The following C12orf42 variants were observed in gnomAD, a reference collection of about 807,000 sequenced individuals.
C12orf42 encodes uncharacterized protein C12orf42.
In C12orf42, 25 loss-of-function variants were observed where a neutral mutation model predicts 21.6. The ratio of observed to expected loss-of-function variants is 1.16; its 90% CI spans 0.84 to 1.62. The LOEUF (loss-of-function observed/expected upper bound fraction) is 1.62, where lower values mean the gene tolerates loss of function less well. C12orf42 is among the 40% of genes most tolerant of loss of function. The pLI is 0.00. For missense variants in C12orf42, 483 were observed against 459.3 expected, an observed-to-expected ratio of 1.05 and a Z score of -0.47; for synonymous variants, 174 against 175.0, an observed-to-expected ratio of 0.99 and a Z score of 0.05.
At chr12:103,082,603 G>A in the C12orf42 span, among the ~76,000 whole-genome samples, 1 of 152,214 alleles carries the variant, frequency 6.6e-6, no homozygotes, top group Non-Finnish European at 1.5e-5. Context: ...TAAATGACAA[G>A]TTAATGGGTG....
chr12:103,168,530 A>T, the C12orf42 span, among the ~76,000 whole-genome samples: 1 of 152,176 alleles, frequency 6.6e-6, no homozygotes, highest in Non-Finnish European at 1.5e-5. Context: ...AAAATTCAAC[A>T]TGGCAAGGCA....
intron 4 of C12orf42, among the ~76,000 whole-genome samples, chr12:103,284,623 A>G (rs555646760): frequency 1.2e-4 from 18 of 152,256 alleles, no homozygotes; most frequent in Non-Finnish European, 2.2e-4. Context: ...TGTTTATTAC[A>G]GTATCGCTAA....
the C12orf42 span, among the ~76,000 whole-genome samples, chr12:103,179,128 C>T: frequency 1.3e-5 from 2 of 152,068 alleles, no homozygotes; most frequent in Non-Finnish European, 2.9e-5. Flanking sequence ...TAATTCATAC[C>T]CCAAACTTGA....
chr12:103,069,466 G>C, the C12orf42 span, among the ~76,000 whole-genome samples: 2 of 152,014 alleles, frequency 1.3e-5, no homozygotes, highest in African/African-American at 4.8e-5. Context: ...ACTTAGATTT[G>C]CCTACAATTA....
the C12orf42 span, among the ~76,000 whole-genome samples, chr12:103,077,583 G>A: frequency 1.3e-5 from 2 of 152,314 alleles, no homozygotes; most frequent in Non-Finnish European, 2.9e-5. Flanking sequence ...ACACAGAGCA[G>A]GCAGTGATAA....
At chr12:103,551,557 C>T in the C12orf42 span, among the ~76,000 whole-genome samples, 32 of 152,274 alleles carry the variant, frequency 2.1e-4, no homozygotes, top group East Asian at 2.1e-3. Flanking sequence ...TGACTCATGC[C>T]TGTAATCCCA....
intron 2 of C12orf42, among the ~76,000 whole-genome samples, chr12:103,473,404 CAGAG>C (rs1330343120): frequency 6.6e-6 from 1 of 152,130 alleles, no homozygotes; most frequent in Non-Finnish European, 1.5e-5. Context: ...AACAGATAGT[CAGAG>C]AGACCCCAGG....
intron 10 of C12orf42, among the ~76,000 whole-genome samples, chr12:103,243,338 T>C (rs1243201476): frequency 6.6e-6 from 1 of 152,180 alleles, no homozygotes; most frequent in Non-Finnish European, 1.5e-5. Flanking sequence ...GAAAATATTA[T>C]TATATAATGT....
At chr12:103,481,777 G>A (rs374849842) in intron 1 of C12orf42, among the ~76,000 whole-genome samples, 30 of 149,090 alleles carry the variant, frequency 2.0e-4, no homozygotes, top group East Asian at 9.9e-4. Context: ...ACTTATCTAC[G>A]TGTCCTGGTT....
At chr12:103,231,398 C>T in the C12orf42 span, among the ~76,000 whole-genome samples, 1 of 152,154 alleles carries the variant, frequency 6.6e-6, no homozygotes, top group Admixed American at 6.5e-5. Context: ...GACATATATC[C>T]ACCATTATAG....
At chr12:103,443,406 A>T (rs1189714022) in intron 2 of C12orf42, among the ~76,000 whole-genome samples, 2 of 152,082 alleles carry the variant, frequency 1.3e-5, no homozygotes, top group Non-Finnish European at 2.9e-5. Context: ...AGTGCACTCT[A>T]GAGTTTAGGT....
At chr12:103,563,473 C>T in the C12orf42 span, among the ~76,000 whole-genome samples, 1 of 152,214 alleles carries the variant, frequency 6.6e-6, no homozygotes, top group Non-Finnish European at 1.5e-5. Context: ...ACAAATATGT[C>T]TCCAAATCTC....
chr12:103,069,320 C>G, the C12orf42 span, among the ~76,000 whole-genome samples: 1 of 151,424 alleles, frequency 6.6e-6, no homozygotes, highest in Non-Finnish European at 1.5e-5. Flanking sequence ...ACAGATTTTC[C>G]TCAACTTATG....
At chr12:103,220,996 C>A in the C12orf42 span, among the ~76,000 whole-genome samples, 2 of 152,220 alleles carry the variant, frequency 1.3e-5, no homozygotes, top group East Asian at 3.8e-4. Flanking sequence ...AAACAAATCG[C>A]CAGTCAGCCA....
intron 2 of C12orf42, among the ~76,000 whole-genome samples, chr12:103,454,675 G>A (rs939217273): frequency 2.0e-5 from 3 of 152,120 alleles, no homozygotes; most frequent in African/African-American, 7.2e-5. Flanking sequence ...TGCTTCTACT[G>A]TCTTGCTGAA....
the C12orf42 span, among the ~76,000 whole-genome samples, chr12:103,167,027 C>T: frequency 6.6e-6 from 1 of 152,160 alleles, no homozygotes; most frequent in Non-Finnish European, 1.5e-5. Flanking sequence ...TCCAAATGTT[C>T]ACGCTTTTGA....
the C12orf42 span, among the ~76,000 whole-genome samples, chr12:103,167,086 A>C: frequency 1.3e-5 from 2 of 152,128 alleles, no homozygotes; most frequent in Admixed American, 1.3e-4. Flanking sequence ...GTCACATTAC[A>C]TCTCAGATTG....
intron 4 of C12orf42, among the ~76,000 whole-genome samples, chr12:103,316,438 G>A (rs763485679): frequency 2.2e-4 from 33 of 152,022 alleles, no homozygotes; most frequent in Non-Finnish European, 4.0e-4. Context: ...TTGCCCACAG[G>A]AGAGGTTAAA....
At chr12:103,397,730 T>G (rs912879354) in intron 3 of C12orf42, 1 of 152,226 alleles carries the variant, frequency 6.6e-6, no homozygotes, top group Non-Finnish European at 1.5e-5. Context: ...TTTGTTTGCA[T>G]TCCAGGATGA....
Sources: gnomAD v4.1 joint callset for allele counts (sites outside exome capture counted in the v4.1 genomes callset) on GRCh38, gnomAD v4.1.1 for gene constraint, MANE v1.5 for transcripts, NCBI Gene and HGNC (gene_info 2026-07-23, HGNC 2026-07-21) for gene names.